Variants in CSMD3 observed in about 807,000 individuals in gnomAD.
CSMD3 encodes the protein CUB and Sushi multiple domains 3, also known as CUB and sushi domain-containing protein 3.
Under a neutral mutation model 435.2 loss-of-function variants are expected in CSMD3, and 177 were observed. The ratio of observed to expected loss-of-function variants is 0.41; its 90% CI spans 0.36 to 0.46. The LOEUF (loss-of-function observed/expected upper bound fraction) is 0.46. CSMD3 is among the 20% of genes least tolerant of loss of function. The pLI is 0.34. For missense variants in CSMD3, 4,265 were observed against 4,504.6 expected, an observed-to-expected ratio of 0.95 and a Z score of 1.52; for synonymous variants, 1,656 against 1,520.5, an observed-to-expected ratio of 1.09 and a Z score of -2.07.
intron 41 of CSMD3, among the ~76,000 whole-genome samples, chr8:112,342,266 A>G (rs1254455343): frequency 6.6e-6 from 1 of 152,140 alleles, no homozygotes; most frequent in Admixed American, 6.5e-5. Flanking sequence ...TCTGGTGATC[A>G]TTGTTATATG....
intron 35 of CSMD3, among the ~76,000 whole-genome samples, chr8:112,392,444 A>T (rs2129761122): frequency 6.6e-6 from 1 of 152,230 alleles, no homozygotes; most frequent in African/African-American, 2.4e-5. Context: ...ATTCTGTTTA[A>T]ATTAGTCAAA....
chr8:113,070,048 C>CT (rs1419460944), intron 5 of CSMD3, among the ~76,000 whole-genome samples: 2 of 152,106 alleles, frequency 1.3e-5, no homozygotes, highest in Non-Finnish European at 2.9e-5. Flanking sequence ...CCCTGACTGA[C>CT]TGATGCATGA....
chr8:113,185,042 C>A (rs1299312766), intron 3 of CSMD3, among the ~76,000 whole-genome samples: 2 of 152,002 alleles, frequency 1.3e-5, no homozygotes, highest in South Asian at 2.1e-4. Context: ...GCTTCCCCAG[C>A]AGTTCATTCC....
At chr8:112,964,380 C>T (rs958986635) in intron 7 of CSMD3, among the ~76,000 whole-genome samples, 2 of 151,788 alleles carry the variant, frequency 1.3e-5, no homozygotes, top group African/African-American at 4.8e-5. Flanking sequence ...TAATATTTGA[C>T]CCTAAATATG....
At chr8:112,667,618 C>T (rs2075556967) in intron 16 of CSMD3, among the ~76,000 whole-genome samples, 1 of 152,000 alleles carries the variant, frequency 6.6e-6, no homozygotes, top group Admixed American at 6.6e-5. Flanking sequence ...TGGGATCTAG[C>T]TGTTGCTTAT....
At chr8:112,685,797 T>C in intron 14 of CSMD3, 65 bp from the exon 15 acceptor site, 2 of 1,013,720 alleles carry the variant, frequency 2.0e-6, no homozygotes, top group Non-Finnish European at 3.1e-6. Flanking sequence ...TCTTATTTTG[T>C]CATATTCTAC....
chr8:112,336,911 A>G lies in CSMD3; in HGVS notation c.6842-82T>C, dbSNP rs1210321335. ...GGAGAAAAAGGCAAACATTTCACATATCTTAAGCATTATGAAACACATTTA... is the reference window on the plus strand; with the variant it reads ...GGAGAAAAAGGCAAACATTTCACATGTCTTAAGCATTATGAAACACATTTA... On this transcript the variant is annotated intron_variant, in intron 43 of 70. Transcript: ENST00000297405. 7 of 1,146,692 alleles carry G rather than the reference A, an allele frequency of 6.1e-6. No homozygotes were observed. In the Admixed American group the frequency reaches 1.1e-4, roughly 18 times the overall value. The allele number at this position is 1,146,692 out of a possible 1,614,324, so 71.0% of individuals were successfully genotyped here. A position where few individuals can be genotyped will look rare whatever the true frequency, so the allele number is the denominator to read the frequency against.
At chr8:113,392,138 T>C (rs1048527726) in intron 1 of CSMD3, among the ~76,000 whole-genome samples, 8 of 152,094 alleles carry the variant, frequency 5.3e-5, no homozygotes, top group Non-Finnish European at 8.8e-5. Context: ...GAGAGTAAAT[T>C]ACAAAGAATT....
chr8:112,722,251 C>T (rs761153137), intron 13 of CSMD3, among the ~76,000 whole-genome samples: 1 of 148,114 alleles, frequency 6.8e-6, no homozygotes, highest in Non-Finnish European at 1.5e-5. Flanking sequence ...AGAGACATAA[C>T]AAACAAATGC....
chr8:112,553,642 C>A, intron 25 of CSMD3, among the ~76,000 whole-genome samples: 1 of 151,948 alleles, frequency 6.6e-6, no homozygotes, highest in East Asian at 1.9e-4. Context: ...GTTTTTAAAA[C>A]AAGTGACTCC....
At chr8:112,547,383 TA>T (rs1827272774) in intron 27 of CSMD3, among the ~76,000 whole-genome samples, 1 of 151,212 alleles carries the variant, frequency 6.6e-6, no homozygotes, top group Non-Finnish European at 1.5e-5. Flanking sequence ...ACCTCATCTG[TA>T]CAAAAAAAAA....
intron 3 of CSMD3, among the ~76,000 whole-genome samples, chr8:113,214,014 G>C (rs1257995507): frequency 2.6e-5 from 4 of 151,988 alleles, no homozygotes; most frequent in Admixed American, 2.6e-4. Context: ...AATCTAAACT[G>C]TGTACATAAG....
At chr8:112,549,814 C>T (rs968731570) in intron 27 of CSMD3, among the ~76,000 whole-genome samples, 3 of 151,856 alleles carry the variant, frequency 2.0e-5, no homozygotes, top group Non-Finnish European at 2.9e-5. Context: ...AGGTAACGTG[C>T]CCAAAATTAG....
At chr8:112,557,743 A>G (rs750409556) in intron 24 of CSMD3, among the ~76,000 whole-genome samples, 7 of 151,892 alleles carry the variant, frequency 4.6e-5, no homozygotes, top group Non-Finnish European at 7.4e-5. Flanking sequence ...TCTGGACCTC[A>G]GCTATGTACC....
At chr8:112,536,363 A>T (rs1826079807) in intron 27 of CSMD3, among the ~76,000 whole-genome samples, 1 of 152,218 alleles carries the variant, frequency 6.6e-6, no homozygotes, top group Admixed American at 6.5e-5. Flanking sequence ...TGGGCAAAGG[A>T]CATGAGCAGA....
chr8:112,717,640 T>C (rs1020601019), intron 13 of CSMD3, among the ~76,000 whole-genome samples: 1 of 152,048 alleles, frequency 6.6e-6, no homozygotes, highest in Non-Finnish European at 1.5e-5. Flanking sequence ...TTATTTACAA[T>C]AGCAAAGACG....
chr8:113,209,523 T>C (rs972513882), intron 3 of CSMD3, among the ~76,000 whole-genome samples: 3 of 152,134 alleles, frequency 2.0e-5, no homozygotes, highest in Admixed American at 6.5e-5. Context: ...GTGAAATCTA[T>C]ATTAAAAGTA....
chr8:113,305,494 T>G (rs186962985), intron 2 of CSMD3, among the ~76,000 whole-genome samples: 9 of 152,318 alleles, frequency 5.9e-5, no homozygotes, highest in African/African-American at 1.9e-4. Flanking sequence ...TACAAAAGAT[T>G]GAATAAATAT....
At chr8:112,858,359 A>T (rs555379496) in intron 11 of CSMD3, among the ~76,000 whole-genome samples, 1 of 151,940 alleles carries the variant, frequency 6.6e-6, no homozygotes, top group African/African-American at 2.4e-5. Flanking sequence ...ATACATCAGT[A>T]TATGAAACAC....
Sources: allele counts gnomAD v4.1 joint callset (sites outside exome capture counted in the v4.1 genomes callset), GRCh38; gene constraint gnomAD v4.1.1; transcripts MANE v1.5; gene names NCBI Gene and HGNC (gene_info 2026-07-23, HGNC 2026-07-21).